PARN: variants seen among roughly 807,000 people sequenced by gnomAD.
PARN encodes poly(A)-specific ribonuclease.
PARN carries 71 observed loss-of-function variants against 102.8 expected under a neutral mutation model. The observed-to-expected ratio is 0.69, with a 90% CI of 0.57 to 0.84. The LOEUF is 0.84. Among genes scored for constraint, PARN ranks in the 40% least tolerant of loss-of-function variants. PARN has a pLI of 0.00. For missense variants in PARN, 782 were observed against 760.9 expected (o/e 1.03, Z -0.33); for synonymous variants, 261 against 252.9 (o/e 1.03, Z -0.30).
At chr16:14,517,938 A>AT (rs1965537469) in intron 21 of PARN, among the ~76,000 whole-genome samples, 1 of 152,080 alleles carries the variant, frequency 6.6e-6, no homozygotes, top group Non-Finnish European at 1.5e-5. Context: ...AAGTGCTGAG[A>AT]TTACAGGCAT....
chr16:14,530,963 G>T (rs1596589036), intron 21 of PARN, among the ~76,000 whole-genome samples: 1 of 147,086 alleles, frequency 6.8e-6, no homozygotes, highest in Non-Finnish European at 1.5e-5. Flanking sequence ...ATTCATGCAT[G>T]CATTCATTCA....
At chr16:14,510,369 AC>A (rs1763132674) in intron 21 of PARN, among the ~76,000 whole-genome samples, 1 of 152,164 alleles carries the variant, frequency 6.6e-6, no homozygotes, top group Non-Finnish European at 1.5e-5. Flanking sequence ...TATCCAATGT[AC>A]CCAGTACTGT....
At chr16:14,527,613 T>C (rs2151662779) in intron 21 of PARN, among the ~76,000 whole-genome samples, 1 of 152,332 alleles carries the variant, frequency 6.6e-6, no homozygotes, top group Middle Eastern at 3.4e-3. Flanking sequence ...TTTATGTGTG[T>C]TTCTGTTTAA....
chr16:14,623,055 G>A (rs1439736411), intron 5 of PARN, among the ~76,000 whole-genome samples: 1 of 149,274 alleles, frequency 6.7e-6, no homozygotes, highest in Non-Finnish European at 1.5e-5. Context: ...AGTGAGCCAT[G>A]ACAACATCAC....
intron 18 of PARN, 53 bp downstream of exon 18, chr16:14,580,821 G>A (rs1186291381): frequency 6.8e-6 from 7 of 1,026,908 alleles, no homozygotes; most frequent in African/African-American, 1.6e-5. Context: ...CCCAAGATAT[G>A]AGGCTGTTCC....
rs750247475 is a variant in PARN, at chr16:14,582,300, A to G, written c.1082-9T>C. ...AAAACCTTCGGCACTTTCTAAGAAAAAAAAGGAAAAAGTTTTCCTCAAAAC... is the reference window on the plus strand; with the variant it reads ...AAAACCTTCGGCACTTTCTAAGAAAGAAAAGGAAAAAGTTTTCCTCAAAAC... On this transcript the variant is annotated splice_polypyrimidine_tract_variant and intron_variant, in intron 16 of 23. Transcript: ENST00000437198. 9 of 1,587,678 alleles carry G rather than the reference A, an allele frequency of 5.7e-6. No individual in the cohort carries two copies. In the Admixed American group the frequency reaches 6.7e-5, roughly 12 times the overall value.
At chr16:14,595,210 T>C (rs749521991) in intron 12 of PARN, among the ~76,000 whole-genome samples, 2 of 152,088 alleles carry the variant, frequency 1.3e-5, no homozygotes, top group Non-Finnish European at 2.9e-5. Flanking sequence ...ATAAACATAA[T>C]GGAAGTAATA....
At chr16:14,463,499 G>A (rs1006493443) in intron 22 of PARN, among the ~76,000 whole-genome samples, 17 of 152,146 alleles carry the variant, frequency 1.1e-4, no homozygotes, top group African/African-American at 3.9e-4. Flanking sequence ...TGAAAGTGAT[G>A]TGGAACTGAT....
chr16:14,489,679 C>A (rs1963953158), intron 21 of PARN, among the ~76,000 whole-genome samples: 2 of 152,148 alleles, frequency 1.3e-5, no homozygotes, highest in African/African-American at 4.8e-5. Flanking sequence ...TGGCTAAGGG[C>A]ATTTTTGCAG....
intron 23 of PARN, among the ~76,000 whole-genome samples, chr16:14,441,487 G>T (rs2151550185): frequency 6.6e-6 from 1 of 152,318 alleles, no homozygotes; most frequent in East Asian, 1.9e-4. Context: ...CCACAGAGTG[G>T]ACATCCGTAC....
chr16:14,606,516 CT>C lies in PARN; in HGVS notation c.669del (p.Gly224AlafsTer7). On this transcript the variant is annotated frameshift_variant, in exon 10 of 24. Transcript: ENST00000437198. LOFTEE classifies it high-confidence loss of function. ...GTTTCTAAAGTCTCAACATGAATGC[CT>C]TTCGGATACCTAAAGAAAAGAAAAA... ...IYQTLSWKYP[K>X]GIHVETLETE... The C allele has an allele frequency of 6.4e-7, 1 of 1,570,378 alleles. No individual in the cohort carries two copies. Among genetic ancestry groups the C allele is most frequent in the South Asian group, 1.2e-5 (1 of 86,744 alleles).
chr16:14,574,168 T>C (rs1968975402), intron 18 of PARN, among the ~76,000 whole-genome samples: 1 of 152,146 alleles, frequency 6.6e-6, no homozygotes, highest in Non-Finnish European at 1.5e-5. Flanking sequence ...CAGATGGAGA[T>C]GAGAAACTTT....
At chr16:14,627,040 G>A in intron 5 of PARN, 66 bp downstream of exon 5, 2 of 923,872 alleles carry the variant, frequency 2.2e-6, no homozygotes, top group South Asian at 2.9e-5. Flanking sequence ...ACCAAATTCT[G>A]ATTTCACATT....
chr16:14,498,269 G>A (rs943630968), intron 21 of PARN, among the ~76,000 whole-genome samples: 7 of 152,120 alleles, frequency 4.6e-5, no homozygotes, highest in Non-Finnish European at 7.3e-5. Context: ...GCTCACCTGC[G>A]AGGTGAGTCA....
chr16:14,460,827 C>T (rs557933467), intron 22 of PARN, among the ~76,000 whole-genome samples: 3 of 152,316 alleles, frequency 2.0e-5, no homozygotes, highest in East Asian at 3.9e-4. Flanking sequence ...AGACACTCCT[C>T]CCCCAAGGAG....
At chr16:14,618,522 G>A (rs954279873) in intron 5 of PARN, among the ~76,000 whole-genome samples, 19 of 151,174 alleles carry the variant, frequency 1.3e-4, no homozygotes, top group Non-Finnish European at 2.2e-4. Flanking sequence ...TTAGCCAGGT[G>A]TGGTGGTGTG....
At chr16:14,609,526 G>T (rs978801752) in intron 7 of PARN, among the ~76,000 whole-genome samples, 1 of 152,048 alleles carries the variant, frequency 6.6e-6, no homozygotes, top group Admixed American at 6.6e-5. Flanking sequence ...AGCTGTGATC[G>T]CATCACTGCA....
intron 18 of PARN, among the ~76,000 whole-genome samples, chr16:14,574,871 G>T (rs933071078): frequency 1.8e-4 from 27 of 152,098 alleles, no homozygotes; most frequent in Non-Finnish European, 3.5e-4. Context: ...CAGAAGTTTA[G>T]GAGGAAAAAA....
chr16:14,506,778 C>T (rs1246143902), intron 21 of PARN, among the ~76,000 whole-genome samples: 1 of 151,858 alleles, frequency 6.6e-6, no homozygotes, highest in Non-Finnish European at 1.5e-5. Context: ...ACTGCCTGAG[C>T]CCAGGAGTTC....
Sources: allele counts gnomAD v4.1 joint callset (sites outside exome capture counted in the v4.1 genomes callset), GRCh38; gene constraint gnomAD v4.1.1; transcripts MANE v1.5; gene names NCBI Gene and HGNC (gene_info 2026-07-23, HGNC 2026-07-21).